The following SMYD3 variants were observed in gnomAD, a reference collection of about 807,000 sequenced individuals.
The protein encoded by SMYD3 is histone-lysine N-methyltransferase SMYD3.
A neutral mutation model predicts 57.7 loss-of-function variants in SMYD3; 36 were observed. The observed-to-expected ratio is 0.62, with a 90% CI of 0.48 to 0.82. SMYD3 has a LOEUF of 0.82. Among genes scored for constraint, SMYD3 ranks in the 40% least tolerant of loss-of-function variants. The probability of loss-of-function intolerance (pLI) is 0.00; values close to 1 mark genes in which losing one functional copy is unlikely to be tolerated. For synonymous variants in SMYD3, 211 were observed against 195.0 expected (o/e 1.08, Z -0.68); for missense variants, 515 against 538.8 (o/e 0.96, Z 0.44).
At chr1:245,925,286 T>C (rs1159190222) in intron 7 of SMYD3, among the ~76,000 whole-genome samples, 1 of 152,214 alleles carries the variant, frequency 6.6e-6, no homozygotes, top group Non-Finnish European at 1.5e-5. Context: ...TGTGTAATGA[T>C]CAAGTGATGG....
intron 10 of SMYD3, among the ~76,000 whole-genome samples, chr1:245,800,560 A>G (rs1465345835): frequency 1.3e-5 from 2 of 152,202 alleles, no homozygotes; most frequent in Non-Finnish European, 2.9e-5. Flanking sequence ...AGCAGAAAAC[A>G]GAACACAGCC....
chr1:245,977,292 C>T (rs536714448), intron 5 of SMYD3, among the ~76,000 whole-genome samples: 1 of 152,332 alleles, frequency 6.6e-6, no homozygotes, highest in Admixed American at 6.5e-5. Context: ...CCAGCCTCTA[C>T]CACACAACAG....
intron 5 of SMYD3, among the ~76,000 whole-genome samples, chr1:246,314,078 C>T (rs1431477788): frequency 6.6e-6 from 1 of 152,180 alleles, no homozygotes; most frequent in Admixed American, 6.5e-5. Context: ...GAATAATCCA[C>T]CCTCCTCCCA....
intron 5 of SMYD3, among the ~76,000 whole-genome samples, chr1:246,061,529 G>GCAACA (rs1291056899): frequency 6.6e-6 from 1 of 151,730 alleles, no homozygotes. Flanking sequence ...ACCAGCCTGG[G>GCAACA]CAACACAGCA....
At chr1:245,971,690 G>A (rs1276997225) in intron 5 of SMYD3, among the ~76,000 whole-genome samples, 1 of 152,100 alleles carries the variant, frequency 6.6e-6, no homozygotes, top group African/African-American at 2.4e-5. Flanking sequence ...GCCTACCTTG[G>A]TGCCTGGTAC....
At chr1:246,405,701 G>T (rs1456340574) in intron 1 of SMYD3, among the ~76,000 whole-genome samples, 2 of 152,054 alleles carry the variant, frequency 1.3e-5, no homozygotes, top group Non-Finnish European at 2.9e-5. Context: ...GAGGTCAGGA[G>T]ATCGAGACCA....
At chr1:246,460,532 T>G (rs1216016295) in intron 1 of SMYD3, among the ~76,000 whole-genome samples, 1 of 152,232 alleles carries the variant, frequency 6.6e-6, no homozygotes, top group Non-Finnish European at 1.5e-5. Context: ...TTTTACTGAA[T>G]AGCAATATAG....
intron 8 of SMYD3, among the ~76,000 whole-genome samples, chr1:245,912,710 A>G (rs188042989): frequency 4.6e-5 from 7 of 152,314 alleles, no homozygotes; most frequent in Admixed American, 3.9e-4. Context: ...CACATTATTT[A>G]TAGGCAACTG....
rs560507904 is a variant in SMYD3, at chr1:245,806,803, G to A, written c.1077-42654C>T. Among the ~76,000 whole-genome samples the A allele has an allele frequency of 9.0e-3, 1,364 of 150,964 alleles. 9 individuals are homozygous for A. Among genetic ancestry groups the A allele is most frequent in the African/African-American group, 0.015 (624 of 40,998 alleles). ...CGGGCGCCTGTAGTCCCAGCTACTC[G>A]GGAGGCTGAGGCAGGAGAATGGCGT... On this transcript the variant is annotated intron_variant, in intron 10 of 11. Transcript: ENST00000490107.
At chr1:246,475,315 G>A (rs934965273) in intron 1 of SMYD3, among the ~76,000 whole-genome samples, 19 of 141,774 alleles carry the variant, frequency 1.3e-4, no homozygotes, top group Non-Finnish European at 2.4e-4. Flanking sequence ...GCAACACAGC[G>A]AGAGACTGTC....
At chr1:246,393,194 A>G (rs1285378312) in intron 1 of SMYD3, among the ~76,000 whole-genome samples, 2 of 151,714 alleles carry the variant, frequency 1.3e-5, no homozygotes, top group East Asian at 4.0e-4. Context: ...AGACTATGTT[A>G]AAAAAAATAC....
chr1:246,040,985 C>A (rs2059860929), intron 5 of SMYD3, among the ~76,000 whole-genome samples: 1 of 152,160 alleles, frequency 6.6e-6, no homozygotes, highest in Non-Finnish European at 1.5e-5. Flanking sequence ...ACATTTCAGT[C>A]AAGGACAGAA....
At chr1:246,140,555 T>G (rs554920787) in intron 5 of SMYD3, among the ~76,000 whole-genome samples, 1 of 152,342 alleles carries the variant, frequency 6.6e-6, no homozygotes, top group East Asian at 1.9e-4. Context: ...TATTAAAGTT[T>G]ATACTTTAAA....
At chr1:246,223,358 C>G (rs2063284167) in intron 5 of SMYD3, among the ~76,000 whole-genome samples, 1 of 152,200 alleles carries the variant, frequency 6.6e-6, no homozygotes, top group Non-Finnish European at 1.5e-5. Context: ...AAGAATTAAT[C>G]AAGAGCGATG....
intron 10 of SMYD3, among the ~76,000 whole-genome samples, chr1:245,838,516 T>C (rs2362915): frequency 0.01 from 1,596 of 152,342 alleles, 31 homozygotes; most frequent in African/African-American, 0.037. Flanking sequence ...GAGCTCTAAA[T>C]GGGGACTCAT....
At chr1:246,417,685 C>G (rs1250717308) in intron 1 of SMYD3, among the ~76,000 whole-genome samples, 1 of 152,104 alleles carries the variant, frequency 6.6e-6, no homozygotes, top group Non-Finnish European at 1.5e-5. Flanking sequence ...GATGTTATCT[C>G]AAATCTTGTG....
chr1:246,240,811 C>T (rs1394151516), intron 5 of SMYD3, among the ~76,000 whole-genome samples: 5 of 152,042 alleles, frequency 3.3e-5, no homozygotes, highest in Admixed American at 6.6e-5. Context: ...CTTCACATTC[C>T]TTGTAAGTTG....
chr1:245,960,292 G>T (rs924649512), intron 5 of SMYD3, among the ~76,000 whole-genome samples: 1 of 152,172 alleles, frequency 6.6e-6, no homozygotes, highest in Admixed American at 6.5e-5. Context: ...CTTGTTGTAA[G>T]GTTGACTCCA....
In SMYD3 at chr1:246,355,239, A is replaced by G; in HGVS notation, c.165-145T>C. ...ACAGTCCCTTAAGATTTGGATTTTC[A>G]CACTGATGAGCCTCCTCTTGAACCT... On this transcript the variant is annotated intron_variant, in intron 1 of 11. Transcript: ENST00000490107. The surrounding 1 kb of genome is among the most constrained non-coding windows in gnomAD (Gnocchi z 5.0). 1.4e-6 allele frequency: 1 copy of G among 726,832 alleles called. No individual in the cohort carries two copies. The highest frequency in any genetic ancestry group is 2.3e-6 in the Non-Finnish European group (1 of 434,448). The allele number at this position is 726,832 out of a possible 1,614,324, so 45.0% of individuals were successfully genotyped here.
Sources: allele counts gnomAD v4.1 joint callset (sites outside exome capture counted in the v4.1 genomes callset), GRCh38; gene constraint gnomAD v4.1.1; non-coding constraint Gnocchi (gnomAD v3.1); transcripts MANE v1.5; gene names NCBI Gene and HGNC (gene_info 2026-07-23, HGNC 2026-07-21).